The following PCDHA1 variants were observed in gnomAD, a reference collection of about 807,000 sequenced individuals.
PCDHA1 encodes protocadherin alpha 1.
Under a neutral mutation model 61.3 loss-of-function variants are expected in PCDHA1, and 42 were observed. That is an observed-to-expected ratio of 0.69 (90% confidence interval 0.54 to 0.89). The LOEUF (loss-of-function observed/expected upper bound fraction) is 0.89, where lower values mean the gene tolerates loss of function less well. PCDHA1 is among the 40% of genes least tolerant of loss of function. The pLI, the probability that PCDHA1 is intolerant of heterozygous loss-of-function variation, is 0.00. For synonymous variants in PCDHA1, 610 were observed against 553.8 expected (o/e 1.10, Z -1.43); for missense variants, 1,256 against 1,235.3 (o/e 1.02, Z -0.25).
At chr5:140,952,410 T>C (rs2094741343) in intron 1 of PCDHA1, among the ~76,000 whole-genome samples, 1 of 151,978 alleles carries the variant, frequency 6.6e-6, no homozygotes, top group Non-Finnish European at 1.5e-5. Flanking sequence ...TCAAATTTAA[T>C]GTTCCGCAGA....
Position 141,009,928 on chromosome 5 carries a change from T to C in PCDHA1, c.2844T>C (p.Ser948=), listed in dbSNP as rs373891102. The change falls in exon 4 of 4, where the codon AGT becomes AGC. Residue 948 remains serine (S), a synonymous_variant. Transcript: ENST00000504120. The stretch of plus-strand genomic sequence containing the variant: ...AAGGGAACAGCACGACTGACAACAG[T>C]GACCAGTGAGGTCCTCAAATGGAAA... ...KEKGNSTTDN[S]DQ is the part of the protein sequence containing the mutation. 3 of 1,607,808 alleles carry C rather than the reference T, an allele frequency of 1.9e-6. No homozygotes were observed. The highest frequency in any genetic ancestry group is 2.5e-6 in the Non-Finnish European group (3 of 1,178,138).
intron 1 of PCDHA1, chr5:140,850,713 G>C (rs186966305): frequency 6.3e-7 from 1 of 1,598,196 alleles, no homozygotes; most frequent in Non-Finnish European, 8.6e-7. Context: ...GCCGACGCTG[G>C]TGTGTTCTAG....
At chr5:140,850,223 A>T in intron 1 of PCDHA1, 1 of 1,593,640 alleles carries the variant, frequency 6.3e-7, no homozygotes, top group Non-Finnish European at 8.6e-7. Flanking sequence ...CTGACGGCGC[A>T]GTGAGCGAGA....
chr5:140,794,405 C>A (rs1174331940), intron 1 of PCDHA1, among the ~76,000 whole-genome samples: 1 of 152,166 alleles, frequency 6.6e-6, no homozygotes, highest in Admixed American at 6.5e-5. Context: ...AAATACTTTA[C>A]GAGTCCACTT....
At chr5:140,862,356 A>G in intron 1 of PCDHA1, 1 of 338,010 alleles carries the variant, frequency 3.0e-6, no homozygotes, top group Non-Finnish European at 5.8e-6. Context: ...GCCAAGGGAC[A>G]GACGACCCGC....
At chr5:140,841,293 T>C in intron 1 of PCDHA1, 3 of 1,494,776 alleles carry the variant, frequency 2.0e-6, no homozygotes, top group Non-Finnish European at 1.8e-6. Flanking sequence ...ATTAAGATAA[T>C]ATTTTCTGAT....
intron 1 of PCDHA1, chr5:140,848,738 T>G (rs2150419097): frequency 6.3e-7 from 1 of 1,592,918 alleles, no homozygotes; most frequent in South Asian, 1.1e-5. Context: ...ATCTGCAGAA[T>G]GGCATTTTGT....
At chr5:140,875,476 G>T in intron 1 of PCDHA1, 1 of 1,610,156 alleles carries the variant, frequency 6.2e-7, no homozygotes, top group South Asian at 1.1e-5. Flanking sequence ...TTCTGCAATG[G>T]TGATTATCGG....
chr5:140,842,051 CAGTCTGAATACGAA>C (rs1777673706), intron 1 of PCDHA1: 1 of 1,613,852 alleles, frequency 6.2e-7, no homozygotes, highest in African/African-American at 1.3e-5. Context: ...CACTTTCGAA[CAGTCTGAATACGAA>C]GTAAGAATAT....
At chr5:140,849,694 C>A (rs2041050724) in intron 1 of PCDHA1, 1 of 1,598,594 alleles carries the variant, frequency 6.3e-7, no homozygotes, top group African/African-American at 1.3e-5. Flanking sequence ...CTGGTGTCCA[C>A]CTACAAGAAT....
intron 1 of PCDHA1, among the ~76,000 whole-genome samples, chr5:140,917,726 G>A (rs1192405804): frequency 6.6e-6 from 1 of 152,114 alleles, no homozygotes; most frequent in Admixed American, 6.6e-5. Flanking sequence ...TTATTTCTGG[G>A]TTCTCTAACC....
chr5:140,801,978 G>GT, intron 1 of PCDHA1: 3 of 1,614,188 alleles, frequency 1.9e-6, no homozygotes, highest in East Asian at 4.5e-5. Flanking sequence ...TGGTACCCTA[G>GT]TGGTGACCGT....
At chr5:140,850,446 G>A (rs2150484747) in intron 1 of PCDHA1, 1 of 1,598,030 alleles carries the variant, frequency 6.3e-7, no homozygotes, top group Non-Finnish European at 8.6e-7. Context: ...ACTGGTGCTG[G>A]TGAAAGACCA....
intron 1 of PCDHA1, among the ~76,000 whole-genome samples, chr5:140,838,933 A>G (rs1168986941): frequency 6.6e-6 from 1 of 151,908 alleles, no homozygotes; most frequent in African/African-American, 2.4e-5. Context: ...AATAAAATGA[A>G]ATAATAAAAT....
intron 1 of PCDHA1, among the ~76,000 whole-genome samples, chr5:140,957,285 G>GT (rs1554222913): frequency 6.6e-6 from 1 of 152,144 alleles, no homozygotes; most frequent in Non-Finnish European, 1.5e-5. Flanking sequence ...CTTACCTGCA[G>GT]TTTCACTCTG....
intron 1 of PCDHA1, among the ~76,000 whole-genome samples, chr5:140,976,116 A>G (rs781948908): frequency 1.2e-4 from 18 of 152,224 alleles, no homozygotes; most frequent in Non-Finnish European, 2.6e-4. Flanking sequence ...AATTTTTCCA[A>G]GTTTAATCAA....
rs542536806 is a variant in PCDHA1, at chr5:140,896,054, G to T, written c.2395-82895G>T. Among the ~76,000 whole-genome samples the T allele has an allele frequency of 4.6e-5, 7 of 151,966 alleles. 1 individual carries two copies. In the East Asian group the frequency reaches 1.4e-3, roughly 30 times the overall value. On this transcript the variant is annotated intron_variant, in intron 1 of 3. Transcript: ENST00000504120. ...TCGAACTCCTGACCTCAGGTGATCC[G>T]CCTGCCTCGGCCTCCCAACATGCTG...
At chr5:140,829,781 G>A (rs1554132238) in intron 1 of PCDHA1, 4 of 1,613,710 alleles carry the variant, frequency 2.5e-6, no homozygotes, top group African/African-American at 2.7e-5. Context: ...CAACGCGCCG[G>A]CGCTGCTGGC....
intron 1 of PCDHA1, among the ~76,000 whole-genome samples, chr5:140,831,828 T>G (rs149132761): frequency 6.6e-6 from 1 of 152,292 alleles, no homozygotes; most frequent in Non-Finnish European, 1.5e-5. Flanking sequence ...TAAACACTAG[T>G]TTCAATGATA....
Sources: allele counts gnomAD v4.1 joint callset (sites outside exome capture counted in the v4.1 genomes callset), GRCh38; gene constraint gnomAD v4.1.1; transcripts MANE v1.5; gene names NCBI Gene and HGNC (gene_info 2026-07-23, HGNC 2026-07-21).